The following IL17RA variants were observed in gnomAD, a reference collection of about 807,000 sequenced individuals.
The protein encoded by IL17RA is interleukin 17 receptor A, also known as interleukin-17 receptor A.
In IL17RA, 34 loss-of-function variants were observed where a neutral mutation model predicts 50.4. The ratio of observed to expected loss-of-function variants is 0.67; its 90% CI spans 0.51 to 0.90. The LOEUF is 0.90. IL17RA is among the 40% of genes least tolerant of loss of function. The pLI is 0.00. For synonymous variants in IL17RA, 585 were observed against 510.4 expected, an observed-to-expected ratio of 1.15 and a Z score of -1.97; for missense variants, 1,276 against 1,169.8, an observed-to-expected ratio of 1.09 and a Z score of -1.32.
In IL17RA at chr22:17,108,376, C is replaced by G. The variant is rs2061422572; in HGVS notation, c.1157C>G (p.Ala386Gly). ...KPRKVWIIYSADHPLYVDVVL... is the reference protein window; with the variant it reads ...KPRKVWIIYSGDHPLYVDVVL... ...AGGAAGGTCTGGATCATCTACTCAG[C>G]CGACCACCCCCTCTACGTGGACGTG... Residue 386 changes from alanine (A) to glycine (G), a missense_variant, in exon 13 of 13, where the codon GCC (alanine) becomes GGC (glycine). By Grantham distance (60) the Ala-to-Gly change is moderately conservative (BLOSUM62 0). Coordinates refer to ENST00000319363, the MANE Select transcript of IL17RA (RefSeq NM_014339.7). The G allele has an allele frequency of 6.2e-7, 1 of 1,614,008 alleles. No individual in the cohort carries two copies. The highest frequency in any genetic ancestry group is 8.5e-7 in the Non-Finnish European group (1 of 1,179,924).
chr22:17,087,793 T>C (rs962362075), intron 1 of IL17RA, among the ~76,000 whole-genome samples: 1 of 152,224 alleles, frequency 6.6e-6, no homozygotes, highest in African/African-American at 2.4e-5. Context: ...GGAATGCCCA[T>C]AGGAAAGACA....
Position 17,097,892 on chromosome 22 carries a change from C to A in IL17RA, c.259C>A (p.Gln87Lys), listed in dbSNP as rs766825875. 9 of 1,614,096 alleles carry A rather than the reference C, an allele frequency of 5.6e-6. No homozygotes were observed. The African/African-American group carries it at 1.2e-4, about 22-fold the overall frequency. The stretch of plus-strand genomic sequence containing the variant: ...CCAGCTGCACTTTGCCCACACCCAA[C>A]AAGGAGACCTGTTCCCCGTGGCTCA... Reference protein sequence around the residue: ...QIQLHFAHTQQGDLFPVAHIE... With the variant: ...QIQLHFAHTQKGDLFPVAHIE... The change falls in exon 3 of 13, where the codon CAA (glutamine) becomes AAA (lysine). Residue 87 changes from glutamine to lysine, a missense_variant. Coordinates refer to ENST00000319363, the MANE Select transcript of IL17RA (RefSeq NM_014339.7).
chr22:17,085,810 CCA>C (rs2061325450), intron 1 of IL17RA, among the ~76,000 whole-genome samples: 1 of 152,288 alleles, frequency 6.6e-6, no homozygotes, highest in Admixed American at 6.5e-5. Flanking sequence ...CCCGCGGCCC[CCA>C]GAGGGACCCC....
At position 17,085,160 on chromosome 22, in the gene IL17RA, G is replaced by T; in HGVS notation, c.69G>T (p.Leu23=). The T allele has an allele frequency of 6.6e-7, 1 of 1,521,434 alleles. No individual in the cohort carries two copies. 94.2% of individuals were successfully genotyped at this position (1,521,434 alleles called of 1,614,324 possible). ...TGCTGGGGCTGCTCCTGCTGCTCCTGGGCGTGCTGGCCCCGGGTGGCGCCT... is the reference window on the plus strand; with the variant it reads ...TGCTGGGGCTGCTCCTGCTGCTCCTTGGCGTGCTGGCCCCGGGTGGCGCCT... ...GPLLGLLLLL[L]GVLAPGGASL... is the part of the protein sequence containing the mutation. Residue 23 remains leucine, a synonymous_variant, in exon 1 of 13, where the codon CTG becomes CTT. Transcript: ENST00000319363.
At chr22:17,105,678 C>T (rs542664747) in intron 10 of IL17RA, 76 bp downstream of exon 10, 157 of 1,556,788 alleles carry the variant, frequency 1.0e-4, no homozygotes, top group Middle Eastern at 8.5e-4. Flanking sequence ...GAAGTCCCTG[C>T]CTCAGCCAGG....
Position 17,109,622 on chromosome 22 carries a change from C to T in IL17RA, c.2403C>T (p.Ser801=), listed in dbSNP as rs1170238029. 1.2e-6 allele frequency: 2 copies of T among 1,607,834 alleles called. No homozygotes were observed. Among genetic ancestry groups the T allele is most frequent in the Non-Finnish European group, 8.5e-7 (1 of 1,177,594 alleles). ...ACCAGGGCTACATCTCCAGGAGCTC[C>T]CCGCAGCCCCCCGAGGGACTCACGG... The part of the protein sequence containing the change: ...QSDQGYISRS[S]PQPPEGLTEM... Residue 801 remains serine (S), a synonymous_variant, in exon 13 of 13, where the codon TCC becomes TCT. Transcript: ENST00000319363.
Position 17,109,354 on chromosome 22 carries a change from G to A in IL17RA, c.2135G>A (p.Gly712Glu), listed in dbSNP as rs775785168. The A allele has an allele frequency of 1.9e-6, 3 of 1,601,462 alleles. No homozygotes were observed. The highest frequency in any genetic ancestry group is 2.6e-6 in the Non-Finnish European group (3 of 1,176,444). ...CCGCTGCTGGGCAGCCCGGGCGCTG[G>A]GCGAAATAGCGTCCTCTTCCTCCCC... ...ACPLLGSPGA[G>E]RNSVLFLPVD... Residue 712 changes from glycine to glutamate, a missense_variant, in exon 13 of 13, where the codon GGG becomes GAG. Coordinates refer to ENST00000319363, the MANE Select transcript of IL17RA (RefSeq NM_014339.7).
intron 9 of IL17RA, 70 bp downstream of exon 9, chr22:17,104,880 C>T (rs902781334): frequency 3.9e-5 from 55 of 1,427,826 alleles, no homozygotes; most frequent in Non-Finnish European, 5.2e-5. Flanking sequence ...GCCTGTGCTG[C>T]GTCCTTACCT....
Position 17,097,080 on chromosome 22 carries a change from A to C in IL17RA, c.157A>C (p.Lys53Gln). Residue 53 changes from lysine to glutamine, a missense_variant, in exon 2 of 13, where the codon AAG (lysine) becomes CAG (glutamine). Coordinates refer to ENST00000319363, the MANE Select transcript of IL17RA (RefSeq NM_014339.7). ...CSQPGLNCTV[K>Q]NSTCLDDSWI... is the part of the protein sequence containing the mutation. Reference sequence around the variant, plus strand: ...TCCACAGGGGCTAAACTGCACGGTCAAGAATAGTAAGTCATCTTTTTCTGT... The same window carrying C: ...TCCACAGGGGCTAAACTGCACGGTCCAGAATAGTAAGTCATCTTTTTCTGT... 1 of 1,613,594 alleles carries C rather than the reference A, an allele frequency of 6.2e-7. No homozygotes were observed. The highest frequency in any genetic ancestry group is 8.5e-7 in the Non-Finnish European group (1 of 1,179,514).
At chr22:17,085,528 G>T (rs1258355543) in intron 1 of IL17RA, among the ~76,000 whole-genome samples, 1 of 152,118 alleles carries the variant, frequency 6.6e-6, no homozygotes, top group African/African-American at 2.4e-5. Context: ...CGCCCGGGCC[G>T]CGGAGTTCGG....
intron 1 of IL17RA, chr22:17,093,867 T>A (rs889283950): frequency 3.9e-5 from 6 of 153,028 alleles, no homozygotes; most frequent in African/African-American, 1.4e-4. Flanking sequence ...GGCACACTGC[T>A]TGACGTCCCC....
intron 8 of IL17RA, among the ~76,000 whole-genome samples, chr22:17,104,216 G>A (rs2061404029): frequency 1.9e-5 from 1 of 53,258 alleles, no homozygotes; most frequent in Non-Finnish European, 3.9e-5. Flanking sequence ...GGAGTGGGGA[G>A]CGTGCACAGG....
At position 17,093,033 on chromosome 22, in the gene IL17RA, A is replaced by G. The variant is rs149998026; in HGVS notation, c.139-4029A>G. 4.0e-5 allele frequency among the ~76,000 whole-genome samples: 6 copies of G among 151,748 alleles called. No homozygotes were observed. In the East Asian group the frequency reaches 1.2e-3, roughly 29 times the overall value. ...TGTTGTATCTCTTCGGGGCTATAATAATTTTACTTGTTTGGTTTAATTGTG... is the reference window on the plus strand; with the variant it reads ...TGTTGTATCTCTTCGGGGCTATAATGATTTTACTTGTTTGGTTTAATTGTG... On this transcript the variant is annotated intron_variant, in intron 1 of 12. Transcript: ENST00000319363.
intron 1 of IL17RA, among the ~76,000 whole-genome samples, chr22:17,089,772 C>A (rs530140928): frequency 2.0e-4 from 31 of 152,072 alleles, no homozygotes; most frequent in African/African-American, 6.8e-4. Context: ...ACTGAGGAGG[C>A]CGAAGTGGGA....
rs1382304240 is a variant in IL17RA at position 17,111,631 on chromosome 22, T to C, written c.*1811T>C. On this transcript the variant is annotated 3_prime_UTR_variant, in exon 13 of 13. Coordinates refer to ENST00000319363, the MANE Select transcript of IL17RA (RefSeq NM_014339.7). ...GTCTGACACTGGAATAGGGTGCCCT[T>C]CATTCCTATGCCTGAGTCCTTAACT... 2.6e-5 allele frequency: 4 copies of C among 152,170 alleles called. No homozygotes were observed. Among genetic ancestry groups the C allele is most frequent in the Non-Finnish European group, 5.9e-5 (4 of 68,030 alleles). The allele number at this position is 152,170 out of a possible 1,614,324, so 9.4% of individuals were successfully genotyped here.
intron 9 of IL17RA, among the ~76,000 whole-genome samples, chr22:17,105,242 G>A (rs41535747): frequency 1.7e-3 from 263 of 152,278 alleles, no homozygotes; most frequent in African/African-American, 6.2e-3. Context: ...GAGGCACAGA[G>A]ATGTTGAATA....
intron 1 of IL17RA, among the ~76,000 whole-genome samples, chr22:17,094,376 G>A (rs186577763): frequency 1.4e-4 from 21 of 151,788 alleles, no homozygotes; most frequent in African/African-American, 3.1e-4. Context: ...ACTGAGTTTG[G>A]CTCTTTGAGT....
chr22:17,104,597 G>A, intron 8 of IL17RA, 129 bp from the exon 9 acceptor site: 3 of 817,516 alleles, frequency 3.7e-6, no homozygotes, highest in Non-Finnish European at 6.2e-6. Context: ...TTGCTGGAGG[G>A]AGATGATGGT....
chr22:17,104,882 T>C, intron 9 of IL17RA, 72 bp downstream of exon 9: 1 of 1,424,210 alleles, frequency 7.0e-7, no homozygotes, highest in Non-Finnish European at 9.9e-7. Flanking sequence ...CTGTGCTGCG[T>C]CCTTACCTGG....
Sources: gnomAD v4.1 joint callset for allele counts (sites outside exome capture counted in the v4.1 genomes callset) on GRCh38, gnomAD v4.1.1 for gene constraint, MANE v1.5 for transcripts, NCBI Gene and HGNC (gene_info 2026-07-23, HGNC 2026-07-21) for gene names.